The following BCKDHB variants were observed in gnomAD, a reference collection of about 807,000 sequenced individuals.
BCKDHB encodes the protein branched chain keto acid dehydrogenase E1 subunit beta.
In BCKDHB, 41 loss-of-function variants were observed where a neutral mutation model predicts 48.5. The ratio of observed to expected loss-of-function variants is 0.85; its 90% CI spans 0.66 to 1.10. The LOEUF (loss-of-function observed/expected upper bound fraction) is 1.10. BCKDHB is among the 50% of genes least tolerant of loss of function. The probability of loss-of-function intolerance (pLI) is 0.00; values close to 1 mark genes in which losing one functional copy is unlikely to be tolerated. For missense variants in BCKDHB, 496 were observed against 494.2 expected, an observed-to-expected ratio of 1.00 and a Z score of -0.03; for synonymous variants, 201 against 174.8, an observed-to-expected ratio of 1.15 and a Z score of -1.18.
the BCKDHB span, among the ~76,000 whole-genome samples, chr6:80,417,357 T>C: frequency 6.6e-6 from 1 of 152,136 alleles, no homozygotes; most frequent in African/African-American, 2.4e-5. Context: ...TCAAGATTAG[T>C]ATGATATGTG....
At chr6:80,367,244 T>C in the BCKDHB span, among the ~76,000 whole-genome samples, 1 of 152,086 alleles carries the variant, frequency 6.6e-6, no homozygotes, top group Non-Finnish European at 1.5e-5. Context: ...TTATTTGCTA[T>C]TTAACATAAT....
chr6:80,351,596 G>T, the BCKDHB span, among the ~76,000 whole-genome samples: 1 of 151,106 alleles, frequency 6.6e-6, no homozygotes, highest in Non-Finnish European at 1.5e-5. Flanking sequence ...GCCAATCAGA[G>T]CCCTTCTTAA....
At chr6:80,250,297 T>C (rs1370856528) in intron 8 of BCKDHB, among the ~76,000 whole-genome samples, 1 of 152,132 alleles carries the variant, frequency 6.6e-6, no homozygotes, top group Non-Finnish European at 1.5e-5. Flanking sequence ...TCTCAAAAAA[T>C]TGTGGTATTA....
At chr6:80,431,277 T>G in the BCKDHB span, among the ~76,000 whole-genome samples, 26 of 152,348 alleles carry the variant, frequency 1.7e-4, no homozygotes, top group South Asian at 5.4e-3. Context: ...AATGAGTTGC[T>G]GAGAAGAATG....
intron 9 of BCKDHB, among the ~76,000 whole-genome samples, chr6:80,341,319 T>C (rs1220595225): frequency 1.3e-5 from 2 of 152,224 alleles, no homozygotes; most frequent in East Asian, 1.9e-4. Context: ...TTATTCACTT[T>C]ACTGTTTTCC....
intron 6 of BCKDHB, among the ~76,000 whole-genome samples, chr6:80,187,443 A>G (rs1251690459): frequency 6.6e-6 from 1 of 152,150 alleles, no homozygotes; most frequent in Non-Finnish European, 1.5e-5. Flanking sequence ...CTCAGTAGAG[A>G]GGGTAGGGGT....
In BCKDHB at chr6:80,151,433, G is replaced by T. The variant is rs867737617; in HGVS notation, c.344-16245G>T. Among the ~76,000 whole-genome samples, 1,158 of 140,296 alleles carry T rather than the reference G, an allele frequency of 8.3e-3. 9 individuals carry two copies. The highest frequency in any genetic ancestry group is 0.025 in the African/African-American group (950 of 37,898). The allele number at this position is 140,296 out of a possible 152,430, so 92.0% of individuals were successfully genotyped here. A position where few individuals can be genotyped will look rare whatever the true frequency, so the allele number is the denominator to read the frequency against. On this transcript the variant is annotated intron_variant, in intron 3 of 9. Transcript: ENST00000320393. Reference sequence around the variant, plus strand: ...TTTAAAACTAACTTTTTTTTTTTTTGTTTTTTTGTTTTTGGCCAAACATTA... The same window carrying T: ...TTTAAAACTAACTTTTTTTTTTTTTTTTTTTTTGTTTTTGGCCAAACATTA...
chr6:80,114,569 A>G (rs749506662), intron 1 of BCKDHB, among the ~76,000 whole-genome samples: 1 of 152,096 alleles, frequency 6.6e-6, no homozygotes, highest in Non-Finnish European at 1.5e-5. Context: ...GATTTAAGCT[A>G]TATTTTGGAA....
At chr6:80,184,597 A>T (rs1006516176) in intron 6 of BCKDHB, among the ~76,000 whole-genome samples, 1 of 151,098 alleles carries the variant, frequency 6.6e-6, no homozygotes, top group Admixed American at 6.6e-5. Context: ...AAGATTTAGA[A>T]CTCCTTTTAG....
chr6:80,152,470 G>A (rs1343239784), intron 3 of BCKDHB, among the ~76,000 whole-genome samples: 1 of 152,122 alleles, frequency 6.6e-6, no homozygotes, highest in Admixed American at 6.6e-5. Context: ...AGGCTAACAA[G>A]CTTAAATAGT....
intron 9 of BCKDHB, among the ~76,000 whole-genome samples, chr6:80,305,403 GT>G (rs10717914): frequency 0.3 from 45,209 of 150,602 alleles, 7,166 homozygotes; most frequent in Non-Finnish European, 0.37. Flanking sequence ...AACCAAGTGG[GT>G]TTTTTTTTGA....
chr6:80,129,042 T>C (rs1268135244), intron 2 of BCKDHB, 119 bp from the exon 3 acceptor site: 1 of 782,748 alleles, frequency 1.3e-6, no homozygotes, highest in East Asian at 2.8e-5. Flanking sequence ...TTGATCGAGA[T>C]CTATGGTCCA....
At chr6:80,394,685 T>G in the BCKDHB span, among the ~76,000 whole-genome samples, 9,619 of 152,192 alleles carry the variant, frequency 0.063, 442 homozygotes, top group South Asian at 0.19. Context: ...ACTAGGAGGA[T>G]TTCCAGCTGT....
chr6:80,244,225 G>A (rs952347181), intron 8 of BCKDHB, among the ~76,000 whole-genome samples: 1 of 152,116 alleles, frequency 6.6e-6, no homozygotes, highest in Non-Finnish European at 1.5e-5. Flanking sequence ...CACAGTCTGG[G>A]GACTGTGTGT....
chr6:80,365,659 G>A, the BCKDHB span, among the ~76,000 whole-genome samples: 79,760 of 151,950 alleles, frequency 0.52, 21,407 homozygotes, highest in Non-Finnish European at 0.59. Flanking sequence ...TCAAATACAC[G>A]TTTTACAATC....
intron 5 of BCKDHB, among the ~76,000 whole-genome samples, chr6:80,170,777 G>A (rs1772874901): frequency 6.6e-6 from 1 of 152,116 alleles, no homozygotes; most frequent in African/African-American, 2.4e-5. Flanking sequence ...GGACACTATG[G>A]TGCCTGGACT....
the BCKDHB span, among the ~76,000 whole-genome samples, chr6:80,370,924 A>G: frequency 6.6e-6 from 1 of 151,880 alleles, no homozygotes; most frequent in East Asian, 1.9e-4. Flanking sequence ...TATTTTTGCA[A>G]TTGCAAATTG....
chr6:80,235,276 ATGTACAAC>A (rs776889597), intron 8 of BCKDHB, among the ~76,000 whole-genome samples: 1 of 152,194 alleles, frequency 6.6e-6, no homozygotes, highest in Non-Finnish European at 1.5e-5. Context: ...CCCCATAAAT[ATGTACAAC>A]TGTTATGTGT....
chr6:80,381,221 C>T, the BCKDHB span, among the ~76,000 whole-genome samples: 5 of 151,764 alleles, frequency 3.3e-5, no homozygotes, highest in East Asian at 1.9e-4. Context: ...AAAGGTATAC[C>T]GTCCTATACC....
Sources: gnomAD v4.1 joint callset for allele counts (sites outside exome capture counted in the v4.1 genomes callset) on GRCh38, gnomAD v4.1.1 for gene constraint, MANE v1.5 for transcripts, NCBI Gene and HGNC (gene_info 2026-07-23, HGNC 2026-07-21) for gene names.